SLC7A5: variants seen among roughly 807,000 people sequenced by gnomAD.
SLC7A5 encodes the protein solute carrier family 7 member 5, also known as large neutral amino acids transporter small subunit 1.
In SLC7A5, 23 loss-of-function variants were observed where a neutral mutation model predicts 50.2. The ratio of observed to expected loss-of-function variants is 0.46; its 90% CI spans 0.33 to 0.65. The LOEUF (loss-of-function observed/expected upper bound fraction) is 0.65. Ranked by LOEUF, SLC7A5 falls within the 30% of genes least tolerant of loss-of-function variation. SLC7A5 has a pLI of 0.02. For synonymous variants in SLC7A5, 393 were observed against 330.6 expected, an observed-to-expected ratio of 1.19 and a Z score of -2.05; for missense variants, 578 against 684.4, an observed-to-expected ratio of 0.84 and a Z score of 1.73.
chr16:87,850,995 T>C (rs1416955904), intron 2 of SLC7A5, among the ~76,000 whole-genome samples: 2 of 152,210 alleles, frequency 1.3e-5, no homozygotes, highest in Admixed American at 1.3e-4. Flanking sequence ...ACTCTCTTTA[T>C]TCCTTCTACC....
At chr16:87,840,326 GAAC>G (rs1181130339) in intron 4 of SLC7A5, 100 bp downstream of exon 4, 3 of 1,081,010 alleles carry the variant, frequency 2.8e-6, no homozygotes, top group Middle Eastern at 2.0e-4. Context: ...GCCCGACTGT[GAAC>G]TGGCCTGAGC....
intron 2 of SLC7A5, among the ~76,000 whole-genome samples, chr16:87,847,092 G>A (rs551482641): frequency 6.6e-6 from 1 of 152,316 alleles, no homozygotes; most frequent in African/African-American, 2.4e-5. Context: ...AGCTCTGCTG[G>A]GAGCGCCTAG....
At chr16:87,834,663 C>T (rs868370263) in intron 8 of SLC7A5, 72 bp from the exon 9 acceptor site, 1 of 1,512,672 alleles carries the variant, frequency 6.6e-7, no homozygotes. Flanking sequence ...CGAGGTTCCT[C>T]AGCCCTCCTG....
intron 2 of SLC7A5, among the ~76,000 whole-genome samples, chr16:87,846,706 C>T (rs549999846): frequency 8.5e-5 from 13 of 152,316 alleles, no homozygotes; most frequent in African/African-American, 3.1e-4. Context: ...ACCGACTCTC[C>T]CGCCGGCATC....
chr16:87,838,717 G>A lies in SLC7A5; in HGVS notation c.1040C>T (p.Ser347Phe). The A allele has an allele frequency of 6.2e-7, 1 of 1,612,350 alleles. No homozygotes were observed. Among genetic ancestry groups the A allele is most frequent in the Non-Finnish European group, 8.5e-7 (1 of 1,178,532 alleles). Residue 347 changes from serine (S) to phenylalanine (F), a missense_variant, in exon 6 of 10, where the codon TCC becomes TTC. Physicochemically the swap from Ser to Phe is radical, Grantham distance 155. Around this residue, in one of 2 missense-constraint regions of SLC7A5, gnomAD observed 465 missense variants for 594.6 expected, o/e 0.78. Transcript: ENST00000261622. ...TGGTGGGTCGGGCTGTGCTCACCTG[G>A]AGGATGTGAACAGGGACCCATTGAC... ...GSVNGSLFTS[S>F]RLFFVGSREG...
intron 2 of SLC7A5, among the ~76,000 whole-genome samples, chr16:87,847,784 C>T (rs927721857): frequency 1.1e-4 from 17 of 152,170 alleles, no homozygotes; most frequent in African/African-American, 3.9e-4. Context: ...GGGCACCCCA[C>T]TTCTCTGAGT....
chr16:87,858,687 T>C (rs1013496629), intron 1 of SLC7A5, among the ~76,000 whole-genome samples: 4 of 152,114 alleles, frequency 2.6e-5, no homozygotes, highest in African/African-American at 9.7e-5. Flanking sequence ...TTGACTGGGA[T>C]TTTCAATCCC....
chr16:87,867,613 G>A (rs926113007), intron 1 of SLC7A5, among the ~76,000 whole-genome samples: 1 of 151,406 alleles, frequency 6.6e-6, no homozygotes, highest in Admixed American at 6.6e-5. Flanking sequence ...GGTCCTGCCA[G>A]TCAGAAGCCA....
intron 8 of SLC7A5, among the ~76,000 whole-genome samples, chr16:87,835,729 C>G (rs913053372): frequency 2.0e-5 from 3 of 152,344 alleles, no homozygotes; most frequent in African/African-American, 2.4e-5. Flanking sequence ...CCGCCTCGGC[C>G]TCCCAAAGTG....
At chr16:87,844,962 A>T (rs942816716) in intron 2 of SLC7A5, among the ~76,000 whole-genome samples, 1 of 152,236 alleles carries the variant, frequency 6.6e-6, no homozygotes, top group Non-Finnish European at 1.5e-5. Context: ...GTAGGCACTA[A>T]GGCCGACGAC....
chr16:87,856,893 G>A lies in SLC7A5; in HGVS notation c.539-5044C>T, dbSNP rs996923600. 1.1e-4 allele frequency among the ~76,000 whole-genome samples: 16 copies of A among 152,336 alleles called. 1 individual carries two copies. Among genetic ancestry groups the A allele is most frequent in the African/African-American group, 2.2e-4 (9 of 41,564 alleles). On this transcript the variant is annotated intron_variant, in intron 1 of 9. Coordinates refer to ENST00000261622, the MANE Select transcript of SLC7A5 (RefSeq NM_003486.7). ...CCAGAGCTTCTGATCAGGCAGGTCC[G>A]GGAGATGGAGACAACACATCTGCAC...
intron 2 of SLC7A5, among the ~76,000 whole-genome samples, chr16:87,846,779 C>T (rs75191576): frequency 0.033 from 5,062 of 152,330 alleles, 269 homozygotes; most frequent in African/African-American, 0.11. Context: ...AGGCCTGCTC[C>T]GCTCTTGCTG....
rs149172579 is a variant in SLC7A5, at chr16:87,841,801, C to G, written c.665-646G>C. ...TCCTTTGCCCTCTGAGGACACGCGT[C>G]ACTGGACTTCGTGACTGCTCCACCC... is the stretch of plus-strand genomic sequence containing the variant. On this transcript the variant is annotated intron_variant, in intron 2 of 9. Transcript: ENST00000261622. The surrounding 1 kb of genome is among the most constrained non-coding windows in gnomAD (Gnocchi z 4.8). 5.3e-5 allele frequency among the ~76,000 whole-genome samples: 8 copies of G among 152,368 alleles called. No individual in the cohort carries two copies. Among genetic ancestry groups the G allele is most frequent in the Admixed American group, 2.0e-4 (3 of 15,310 alleles).
chr16:87,852,770 C>T lies in SLC7A5; in HGVS notation c.539-921G>A, dbSNP rs183178438. ...GTGTGTGTTTTGGGGGGTTCTGTTG[C>T]AATATGTGCGCACGCTGAGCCACTA... On this transcript the variant is annotated intron_variant, in intron 1 of 9. Coordinates refer to ENST00000261622, the MANE Select transcript of SLC7A5 (RefSeq NM_003486.7). This position sits in a 1 kb window ranked among gnomAD's most constrained non-coding sequence, Gnocchi z 4.5. Among the ~76,000 whole-genome samples the T allele has an allele frequency of 2.6e-3, 390 of 150,988 alleles. 2 individuals carry two copies. Among genetic ancestry groups the T allele is most frequent in the African/African-American group, 9.4e-3 (383 of 40,876 alleles).
rs186164643 is a variant in SLC7A5, at chr16:87,868,885, G to A, written c.538C>T (p.Leu180=). 3.8e-4 allele frequency: 605 copies of A among 1,604,616 alleles called. 1 individual carries two copies. The highest frequency in any genetic ancestry group is 3.8e-5 in the Non-Finnish European group (45 of 1,176,476). Residue 180 remains leucine (L), a splice_region_variant and synonymous_variant, in exon 1 of 10, where the codon CTG becomes TTG. Transcript: ENST00000261622. ...CCCCCGGCCCGCGCCCCGTACTCAC[G>A]CACGCAGAGGCAGGCCACGAGCTTG... ...AAKLVACLCV[L]LLTAVNCYSV...
At chr16:87,835,624 C>T (rs1003747509) in intron 8 of SLC7A5, among the ~76,000 whole-genome samples, 5 of 152,236 alleles carry the variant, frequency 3.3e-5, no homozygotes, top group African/African-American at 1.2e-4. Context: ...TAGGCGCCCG[C>T]CACCACGCCC....
chr16:87,832,699 C>A lies in SLC7A5; in HGVS notation c.*271G>T. ...TAAAAAAAATATATATATAAGTAAACAAAGGAGGGAAGGGAAAAAGGGCCC... is the reference window on the plus strand; with the variant it reads ...TAAAAAAAATATATATATAAGTAAAAAAAGGAGGGAAGGGAAAAAGGGCCC... On this transcript the variant is annotated 3_prime_UTR_variant, in exon 10 of 10. Transcript: ENST00000261622. The surrounding 1 kb of genome is among the most constrained non-coding windows in gnomAD (Gnocchi z 4.6). 1 of 296,116 alleles carries A rather than the reference C, an allele frequency of 3.4e-6. No homozygotes were observed. Among genetic ancestry groups the A allele is most frequent in the African/African-American group, 2.2e-5 (1 of 46,314 alleles). The allele number at this position is 296,116 out of a possible 1,614,324, so 18.3% of individuals were successfully genotyped here.
chr16:87,834,523 C>G lies in SLC7A5; in HGVS notation c.1359G>C (p.Lys453Asn). Residue 453 changes from lysine to asparagine, a missense_variant, in exon 9 of 10, where the codon AAG (lysine) becomes AAC (asparagine). This residue lies in a region of SLC7A5 where 465 missense variants were observed against 594.6 expected (regional missense o/e 0.78). Transcript: ENST00000261622. ...AGCCGATGCCACACTCCACGGGTGT[C>G]TTCCAGAAGGAGACGGCGATCAGGA... ...CLFLIAVSFW[K>N]TPVECGIGFT... 1 of 1,597,658 alleles carries G rather than the reference C, an allele frequency of 6.3e-7. No individual in the cohort carries two copies. Among genetic ancestry groups the G allele is most frequent in the Non-Finnish European group, 8.5e-7 (1 of 1,173,538 alleles).
At chr16:87,863,982 T>TAAAAAAAAAAAAAAAAA (rs200874231) in intron 1 of SLC7A5, among the ~76,000 whole-genome samples, 2 of 107,932 alleles carry the variant, frequency 1.9e-5, no homozygotes, top group African/African-American at 7.6e-5. Flanking sequence ...TGTGATCATT[T>TAAAAAAAAAAAAAAAAA]AAAAATATAT....
Sources: allele counts gnomAD v4.1 joint callset (sites outside exome capture counted in the v4.1 genomes callset), GRCh38; gene constraint gnomAD v4.1.1; regional missense constraint gnomAD v4.1.1; non-coding constraint Gnocchi (gnomAD v3.1); transcripts MANE v1.5; gene names NCBI Gene and HGNC (gene_info 2026-07-23, HGNC 2026-07-21).